Variants in MDGA2 observed in about 807,000 individuals in gnomAD.
MDGA2 encodes MAM domain-containing glycosylphosphatidylinositol anchor protein 2.
In MDGA2, 40 loss-of-function variants were observed where a neutral mutation model predicts 117.8. The observed-to-expected ratio is 0.34, with a 90% CI of 0.26 to 0.44. The LOEUF (loss-of-function observed/expected upper bound fraction) is 0.44. Among genes scored for constraint, MDGA2 ranks in the 20% least tolerant of loss-of-function variants. The pLI, the probability that MDGA2 is intolerant of heterozygous loss-of-function variation, is 1.00. For missense variants in MDGA2, 1,123 were observed against 1,250.6 expected, an observed-to-expected ratio of 0.90 and a Z score of 1.54; for synonymous variants, 452 against 439.0, an observed-to-expected ratio of 1.03 and a Z score of -0.37.
Position 47,104,597 on chromosome 14 carries a change from C to T in MDGA2, c.926-7474G>A, listed in dbSNP as rs1015173242. ...CGCTGACTCTCTTTTCGGACTCAGC[C>T]TGCCTGCACCCAGGTGAAATAAACA... On this transcript the variant is annotated intron_variant, in intron 5 of 16. Transcript: ENST00000399232. Among the ~76,000 whole-genome samples the T allele has an allele frequency of 4.6e-5, 7 of 151,026 alleles. No individual in the cohort carries two copies. The South Asian group carries it at 6.3e-4, about 14-fold the overall frequency.
chr14:46,966,483 A>G (rs959122194), intron 8 of MDGA2, among the ~76,000 whole-genome samples: 1 of 152,252 alleles, frequency 6.6e-6, no homozygotes, highest in African/African-American at 2.4e-5. Flanking sequence ...GGCAATGAAG[A>G]AAAGTCATGC....
intron 8 of MDGA2, among the ~76,000 whole-genome samples, chr14:46,961,318 T>C (rs1406850698): frequency 3.3e-5 from 5 of 152,176 alleles, no homozygotes; most frequent in African/African-American, 1.2e-4. Flanking sequence ...ATTTCCTTCT[T>C]TATAGCCTCA....
In MDGA2 at chr14:47,131,753, G is replaced by A; in HGVS notation, c.886C>T (p.Pro296Ser). 1.3e-6 allele frequency: 2 copies of A among 1,581,648 alleles called. No homozygotes were observed. The highest frequency in any genetic ancestry group is 4.5e-5 in the East Asian group (2 of 44,490). The part of the protein sequence containing the change: ...IASVRNVCNI[P>S]DKMVSFRLSN... ...AGTCTAAACGACACCATCTTATCAG[G>A]AATATTACATACATTCCTCACTGAA... Residue 296 changes from proline to serine, a missense_variant, in exon 5 of 17, where the codon CCT (proline) becomes TCT (serine). Around this residue, in one of 2 missense-constraint regions of MDGA2, gnomAD observed 890 missense variants for 1,050.3 expected, o/e 0.85. Transcript: ENST00000399232.
At chr14:47,624,839 G>A (rs977142541) in intron 1 of MDGA2, among the ~76,000 whole-genome samples, 1 of 152,128 alleles carries the variant, frequency 6.6e-6, no homozygotes, top group Non-Finnish European at 1.5e-5. Context: ...GAGACTGTAT[G>A]TCAGGCACCC....
At chr14:47,423,294 T>C (rs1892617655) in intron 1 of MDGA2, among the ~76,000 whole-genome samples, 1 of 152,206 alleles carries the variant, frequency 6.6e-6, no homozygotes, top group African/African-American at 2.4e-5. Flanking sequence ...AATTCACTTC[T>C]GTGAGTTAAC....
At chr14:46,865,459 C>A (rs1420960292) in intron 14 of MDGA2, among the ~76,000 whole-genome samples, 1 of 152,110 alleles carries the variant, frequency 6.6e-6, no homozygotes, top group African/African-American at 2.4e-5. Context: ...AAACTGGAAA[C>A]ATTCCCTTTG....
At chr14:47,148,744 G>A (rs1477414347) in intron 3 of MDGA2, among the ~76,000 whole-genome samples, 1 of 152,158 alleles carries the variant, frequency 6.6e-6, no homozygotes, top group Non-Finnish European at 1.5e-5. Flanking sequence ...TGGTGATTCA[G>A]TTGAAGTTTT....
chr14:47,542,929 G>A (rs184862105), intron 1 of MDGA2, among the ~76,000 whole-genome samples: 279 of 152,252 alleles, frequency 1.8e-3, no homozygotes, highest in Non-Finnish European at 3.2e-3. Flanking sequence ...AGATGTATAG[G>A]CTGGGTGCAC....
intron 1 of MDGA2, among the ~76,000 whole-genome samples, chr14:47,643,695 A>C (rs1046021479): frequency 2.0e-5 from 3 of 152,274 alleles, no homozygotes; most frequent in Non-Finnish European, 4.4e-5. Flanking sequence ...AATTTGACTG[A>C]CACATTCCTT....
rs535320767 is a variant in MDGA2, at chr14:47,417,561, G to T, written c.281-116011C>A. On this transcript the variant is annotated intron_variant, in intron 1 of 16. Transcript: ENST00000399232. ...CTCTTTTCTTTCTGAGCTCTAACCA[G>T]AATCACCCTGAATGGTCCTCTCACA... is the stretch of plus-strand genomic sequence containing the variant. Among the ~76,000 whole-genome samples the T allele has an allele frequency of 1.6e-3, 247 of 152,238 alleles. 1 individual carries two copies. The Middle Eastern group carries it at 0.017, about 10-fold the overall frequency.
At chr14:47,374,257 G>A (rs545496085) in intron 1 of MDGA2, among the ~76,000 whole-genome samples, 5 of 152,138 alleles carry the variant, frequency 3.3e-5, no homozygotes, top group African/African-American at 1.2e-4. Flanking sequence ...ATCTAAATAA[G>A]AGTGAAAGAA....
At chr14:47,520,756 G>A (rs1894852786) in intron 1 of MDGA2, among the ~76,000 whole-genome samples, 1 of 152,068 alleles carries the variant, frequency 6.6e-6, no homozygotes, top group Admixed American at 6.5e-5. Context: ...GAACACTGAA[G>A]GAACCAGTGA....
intron 1 of MDGA2, among the ~76,000 whole-genome samples, chr14:47,605,043 A>C (rs1380101155): frequency 6.6e-6 from 1 of 151,562 alleles, no homozygotes; most frequent in Non-Finnish European, 1.5e-5. Context: ...GCATAACTGA[A>C]AGACTCCATT....
chr14:46,942,173 C>T (rs560488754), intron 9 of MDGA2, among the ~76,000 whole-genome samples: 1 of 151,952 alleles, frequency 6.6e-6, no homozygotes, highest in African/African-American at 2.4e-5. Context: ...TTTTAGCTTC[C>T]CCAACTAAAA....
At chr14:47,128,297 T>A (rs1397849028) in intron 5 of MDGA2, among the ~76,000 whole-genome samples, 5 of 152,074 alleles carry the variant, frequency 3.3e-5, no homozygotes, top group East Asian at 3.9e-4. Context: ...TAAACTGAGA[T>A]AAAAACACTA....
At chr14:46,931,525 CT>C (rs34478677) in intron 9 of MDGA2, among the ~76,000 whole-genome samples, 61 of 128,880 alleles carry the variant, frequency 4.7e-4, no homozygotes, top group Middle Eastern at 4.3e-3. Flanking sequence ...TTTATTTTTG[CT>C]TTTTTTTTTT....
chr14:47,518,759 C>T (rs1021330198), intron 1 of MDGA2, among the ~76,000 whole-genome samples: 143 of 152,228 alleles, frequency 9.4e-4, no homozygotes, highest in African/African-American at 3.3e-3. Flanking sequence ...TATCAGTCTG[C>T]TTTATATAAA....
chr14:47,012,006 C>T (rs572480713), intron 8 of MDGA2, among the ~76,000 whole-genome samples: 34 of 152,096 alleles, frequency 2.2e-4, no homozygotes, highest in Admixed American at 5.2e-4. Context: ...ATTGTGTCAT[C>T]GTTAGCTTTT....
chr14:47,014,374 C>G (rs1391619629), intron 8 of MDGA2, among the ~76,000 whole-genome samples: 1 of 152,152 alleles, frequency 6.6e-6, no homozygotes, highest in Non-Finnish European at 1.5e-5. Context: ...GCGATTCAGC[C>G]TATCCTTTGA....
Sources: gnomAD v4.1 joint callset for allele counts (sites outside exome capture counted in the v4.1 genomes callset) on GRCh38, gnomAD v4.1.1 for gene constraint, gnomAD v4.1.1 regional missense constraint, MANE v1.5 for transcripts, NCBI Gene and HGNC (gene_info 2026-07-23, HGNC 2026-07-21) for gene names.